Variants in ZNF69 observed in about 807,000 individuals in gnomAD.
The protein encoded by ZNF69 is zinc finger protein 69, also known as ZNF3.
In ZNF69, 47 loss-of-function variants were observed where a neutral mutation model predicts 50.9. The ratio of observed to expected loss-of-function variants is 0.92; its 90% CI spans 0.73 to 1.18. ZNF69 has a LOEUF of 1.18. Ranked by LOEUF, ZNF69 falls within the 50% of genes most tolerant of loss-of-function variation. The pLI, the probability that ZNF69 is intolerant of heterozygous loss-of-function variation, is 0.00. For synonymous variants in ZNF69, 216 were observed against 223.1 expected, an observed-to-expected ratio of 0.97 and a Z score of 0.29; for missense variants, 717 against 675.1, an observed-to-expected ratio of 1.06 and a Z score of -0.69.
chr19:11,920,293 G>A, the ZNF69 span, among the ~76,000 whole-genome samples: 1 of 151,894 alleles, frequency 6.6e-6, no homozygotes, highest in Non-Finnish European at 1.5e-5. Flanking sequence ...TGTATTGGTA[G>A]TTAGAGACAA....
the ZNF69 span, chr19:11,977,316 A>AT: frequency 3.1e-6 from 5 of 1,605,972 alleles, no homozygotes; most frequent in South Asian, 1.1e-5. Context: ...GAATCTAATA[A>AT]TTTTTTCACA....
the ZNF69 span, among the ~76,000 whole-genome samples, chr19:11,920,848 T>G: frequency 1.3e-5 from 2 of 152,024 alleles, no homozygotes; most frequent in Non-Finnish European, 2.9e-5. Flanking sequence ...AATTCAAGAG[T>G]GTCTGGTCTC....
At chr19:11,947,591 A>G in the ZNF69 span, 32 of 1,610,070 alleles carry the variant, frequency 2.0e-5, no homozygotes, top group Middle Eastern at 1.7e-4. Context: ...TGCATTTCCA[A>G]GAGAAAGCAG....
At chr19:11,969,132 TCTCA>T in the ZNF69 span, among the ~76,000 whole-genome samples, 1 of 152,156 alleles carries the variant, frequency 6.6e-6, no homozygotes, top group Admixed American at 6.5e-5. Context: ...TGAGACAGGG[TCTCA>T]CTCTGTCGGC....
At chr19:11,948,566 T>A in the ZNF69 span, 3 of 1,607,372 alleles carry the variant, frequency 1.9e-6, no homozygotes, top group Non-Finnish European at 1.7e-6. Context: ...CGCCCATCCA[T>A]TAGAACACAA....
At chr19:11,918,644 AG>A (rs546796958), downstream of ZNF69, among the ~76,000 whole-genome samples, 36 of 152,070 alleles carry the variant, frequency 2.4e-4, no homozygotes, top group Admixed American at 1.5e-3. Flanking sequence ...TGTAGAGACA[AG>A]GGTGTCACGG....
chr19:11,979,560 G>A, the ZNF69 span: 1 of 1,603,838 alleles, frequency 6.2e-7, no homozygotes, highest in Middle Eastern at 1.7e-4. Context: ...AAGCAATGTG[G>A]TAAAGCCTTC....
downstream of ZNF69, among the ~76,000 whole-genome samples, chr19:11,907,304 A>C (rs1450623873): frequency 6.6e-6 from 1 of 152,224 alleles, no homozygotes; most frequent in African/African-American, 2.4e-5. Flanking sequence ...CCAACATTCA[A>C]ATTCAGGAAA....
downstream of ZNF69, among the ~76,000 whole-genome samples, chr19:11,907,302 C>A (rs1972392802): frequency 6.6e-6 from 1 of 152,146 alleles, no homozygotes; most frequent in Non-Finnish European, 1.5e-5. Flanking sequence ...GACCAACATT[C>A]AAATTCAGGA....
At chr19:11,901,727 G>A (rs1020588485) in intron 1 of ZNF69, among the ~76,000 whole-genome samples, 1 of 151,742 alleles carries the variant, frequency 6.6e-6, no homozygotes. Flanking sequence ...CAAGTGATCC[G>A]CCCACCTTAA....
the ZNF69 span, chr19:11,978,327 G>A: frequency 8.1e-6 from 13 of 1,613,976 alleles, no homozygotes; most frequent in South Asian, 1.1e-5. Context: ...CAAGGCATAC[G>A]AGTATCAGGA....
chr19:11,922,958 A>T, the ZNF69 span, among the ~76,000 whole-genome samples: 1 of 151,854 alleles, frequency 6.6e-6, no homozygotes, highest in African/African-American at 2.4e-5. Context: ...GATTACAGGT[A>T]CACACCACCT....
At chr19:11,945,547 A>G in the ZNF69 span, among the ~76,000 whole-genome samples, 2 of 152,136 alleles carry the variant, frequency 1.3e-5, no homozygotes, top group African/African-American at 4.8e-5. Context: ...GGAACCGGGT[A>G]CTGTTTTTGC....
the ZNF69 span, among the ~76,000 whole-genome samples, chr19:11,977,958 T>G: frequency 1.3e-5 from 2 of 152,228 alleles, no homozygotes; most frequent in Non-Finnish European, 2.9e-5. Context: ...GGTATGACTA[T>G]GTCACCTTGT....
In ZNF69 at chr19:11,905,768, G is replaced by T. The variant is rs756952349; in HGVS notation, c.1371G>T (p.Lys457Asn). Residue 457 changes from lysine (K) to asparagine (N), a missense_variant, in exon 4 of 4, where the codon AAG becomes AAT. By Grantham distance (94) the Lys-to-Asn change is moderately conservative. Coordinates refer to ENST00000429654, the MANE Select transcript of ZNF69 (RefSeq NM_001364730.1). ...GTGGGAAAGCCTTCAGATCTATGAA[G>T]AACCTTCAAAGTCATGAAAGGACAC... ...QECGKAFRSMKNLQSHERTQT... is the reference protein window; with the variant it reads ...QECGKAFRSMNNLQSHERTQT... 4 of 1,608,042 alleles carry T rather than the reference G, an allele frequency of 2.5e-6. No individual in the cohort carries two copies. Among genetic ancestry groups the T allele is most frequent in the East Asian group, 4.5e-5 (2 of 44,402 alleles).
chr19:11,898,892 C>G (rs1972185408), intron 1 of ZNF69, among the ~76,000 whole-genome samples: 1 of 152,312 alleles, frequency 6.6e-6, no homozygotes, highest in African/African-American at 2.4e-5. Context: ...GTGTATCCTA[C>G]AACTTATGCA....
chr19:11,951,262 T>G, the ZNF69 span, among the ~76,000 whole-genome samples: 1 of 150,656 alleles, frequency 6.6e-6, no homozygotes, highest in Non-Finnish European at 1.5e-5. Flanking sequence ...ATAGTCTCAT[T>G]CTGTCGCCCA....
rs1168204968 is a variant in ZNF69 at position 11,905,950 on chromosome 19, C to G, written c.1553C>G (p.Ser518Cys). Reference protein sequence around the residue: ...CKQCGEAFSSSSSFRYHERTH... With the variant: ...CKQCGEAFSSCSSFRYHERTH... Reference sequence around the variant, plus strand: ...CAATGTGGTGAAGCCTTCAGTAGTTCCAGTTCCTTTCGATACCATGAAAGG... The same window carrying G: ...CAATGTGGTGAAGCCTTCAGTAGTTGCAGTTCCTTTCGATACCATGAAAGG... The change falls in exon 4 of 4, where the codon TCC becomes TGC. Residue 518 changes from serine (S) to cysteine (C), a missense_variant. By Grantham distance (112) the Ser-to-Cys change is moderately radical. Coordinates refer to ENST00000429654, the MANE Select transcript of ZNF69 (RefSeq NM_001364730.1). The G allele has an allele frequency of 1.2e-6, 2 of 1,614,000 alleles. No homozygotes were observed. Among genetic ancestry groups the G allele is most frequent in the Non-Finnish European group, 1.7e-6 (2 of 1,179,984 alleles).
At chr19:11,972,882 C>T in the ZNF69 span, among the ~76,000 whole-genome samples, 1 of 150,818 alleles carries the variant, frequency 6.6e-6, no homozygotes, top group East Asian at 1.9e-4. Flanking sequence ...GCTTGAACTG[C>T]AGTGTTGGAG....
Sources: gnomAD v4.1 joint callset for allele counts (sites outside exome capture counted in the v4.1 genomes callset) on GRCh38, gnomAD v4.1.1 for gene constraint, MANE v1.5 for transcripts, NCBI Gene and HGNC (gene_info 2026-07-23, HGNC 2026-07-21) for gene names.